The following OSBPL8 variants were observed in gnomAD, a reference collection of about 807,000 sequenced individuals.
OSBPL8 encodes oxysterol binding protein like 8.
In OSBPL8, 59 loss-of-function variants were observed where a neutral mutation model predicts 125.5. The observed-to-expected ratio is 0.47, with a 90% CI of 0.38 to 0.58. The LOEUF (loss-of-function observed/expected upper bound fraction) is 0.58, where lower values mean the gene tolerates loss of function less well. Among genes scored for constraint, OSBPL8 ranks in the 20% least tolerant of loss-of-function variants. The probability of loss-of-function intolerance (pLI) is 0.00; values close to 1 mark genes in which losing one functional copy is unlikely to be tolerated. For synonymous variants in OSBPL8, 330 were observed against 338.9 expected, an observed-to-expected ratio of 0.97 and a Z score of 0.29; for missense variants, 758 against 1,047.8, an observed-to-expected ratio of 0.72 and a Z score of 3.82.
chr12:76,511,799 C>G (rs548239287), intron 1 of OSBPL8, among the ~76,000 whole-genome samples: 1 of 152,230 alleles, frequency 6.6e-6, no homozygotes, highest in East Asian at 1.9e-4. Flanking sequence ...AATCTTTGCC[C>G]GTTCCTATGT....
intron 21 of OSBPL8, among the ~76,000 whole-genome samples, chr12:76,365,866 C>T (rs998803277): frequency 1.3e-5 from 2 of 152,048 alleles, no homozygotes; most frequent in Non-Finnish European, 2.9e-5. Flanking sequence ...ATGTGATTTT[C>T]CCCCCTCTTA....
intron 22 of OSBPL8, among the ~76,000 whole-genome samples, chr12:76,357,855 GTTT>G (rs888289631): frequency 1.4e-5 from 2 of 142,706 alleles, no homozygotes; most frequent in East Asian, 4.0e-4. Flanking sequence ...ATGGCTTAAA[GTTT>G]TTTTTTTTTT....
chr12:76,375,372 TA>T lies in OSBPL8; in HGVS notation c.1730-3del. On this transcript the variant is annotated splice_polypyrimidine_tract_variant and splice_region_variant and intron_variant, in intron 16 of 23. Transcript: ENST00000261183. ...GTGTCATTGTACCATAAAGAATTCC[TA>T]AAGGAAAAAGATTTGACAAAAAATT... The T allele has an allele frequency of 6.2e-7, 1 of 1,606,498 alleles. No homozygotes were observed.
At chr12:76,375,117 C>T (rs1952761526) in intron 17 of OSBPL8, among the ~76,000 whole-genome samples, 156 bp downstream of exon 17, 1 of 152,310 alleles carries the variant, frequency 6.6e-6, no homozygotes, top group Non-Finnish European at 1.5e-5. Flanking sequence ...ACTCACCCAG[C>T]CTTGCCCTTA....
At chr12:76,525,802 G>T (rs915793022) in intron 1 of OSBPL8, among the ~76,000 whole-genome samples, 7 of 152,030 alleles carry the variant, frequency 4.6e-5, no homozygotes, top group Middle Eastern at 3.4e-3. Context: ...AAAAACAAAG[G>T]GAAAACTACA....
chr12:76,551,980 T>G (rs1045680053), intron 1 of OSBPL8, among the ~76,000 whole-genome samples: 1 of 152,174 alleles, frequency 6.6e-6, no homozygotes, highest in Non-Finnish European at 1.5e-5. Context: ...CTGTAGAACA[T>G]TCCAATCTTA....
intron 4 of OSBPL8, among the ~76,000 whole-genome samples, chr12:76,418,908 A>G (rs965392806): frequency 6.6e-6 from 1 of 152,068 alleles, no homozygotes; most frequent in Admixed American, 6.5e-5. Flanking sequence ...CCTTTCAATC[A>G]ATTAAGAAAT....
intron 9 of OSBPL8, among the ~76,000 whole-genome samples, chr12:76,393,775 G>A (rs1953671121): frequency 6.9e-6 from 1 of 144,828 alleles, no homozygotes. Context: ...TGTAACCCCA[G>A]CACTTTGGGA....
chr12:76,470,756 T>G (rs1876041290), intron 2 of OSBPL8, among the ~76,000 whole-genome samples: 1 of 152,182 alleles, frequency 6.6e-6, no homozygotes, highest in Admixed American at 6.5e-5. Flanking sequence ...TCAACCCCCA[T>G]GACTCATCAA....
intron 1 of OSBPL8, among the ~76,000 whole-genome samples, chr12:76,538,316 CACTA>C: frequency 6.6e-6 from 1 of 152,120 alleles, no homozygotes; most frequent in South Asian, 2.1e-4. Context: ...CTTTTTAAAC[CACTA>C]ACTATATATT....
intron 12 of OSBPL8, among the ~76,000 whole-genome samples, chr12:76,388,533 A>G (rs1190369646): frequency 6.6e-6 from 1 of 152,228 alleles, no homozygotes; most frequent in African/African-American, 2.4e-5. Flanking sequence ...TAGACCGACA[A>G]AAGTGCAGAA....
chr12:76,554,051 T>C (rs1475468801), intron 1 of OSBPL8, among the ~76,000 whole-genome samples: 2 of 152,004 alleles, frequency 1.3e-5, no homozygotes, highest in Non-Finnish European at 2.9e-5. Flanking sequence ...TTAAAACTAT[T>C]TTTTAATTAT....
At chr12:76,407,333 G>T (rs1954306381) in intron 5 of OSBPL8, among the ~76,000 whole-genome samples, 1 of 152,182 alleles carries the variant, frequency 6.6e-6, no homozygotes, top group South Asian at 2.1e-4. Flanking sequence ...CTCACTTTCA[G>T]CGTCAACCTC....
At chr12:76,387,006 T>TG (rs1234007207) in intron 12 of OSBPL8, among the ~76,000 whole-genome samples, 3 of 152,132 alleles carry the variant, frequency 2.0e-5, no homozygotes, top group Non-Finnish European at 4.4e-5. Context: ...AAAATAAACA[T>TG]GGATTTTGGA....
At chr12:76,436,113 T>C (rs1489852715) in intron 4 of OSBPL8, among the ~76,000 whole-genome samples, 1 of 152,188 alleles carries the variant, frequency 6.6e-6, no homozygotes, top group Non-Finnish European at 1.5e-5. Flanking sequence ...ACGGCAAGCC[T>C]GAATACTGGT....
chr12:76,513,295 T>C (rs1196944997), intron 1 of OSBPL8, among the ~76,000 whole-genome samples: 2 of 152,230 alleles, frequency 1.3e-5, no homozygotes, highest in East Asian at 3.8e-4. Flanking sequence ...AAGAGCGTGT[T>C]TGGTATGATT....
intron 4 of OSBPL8, among the ~76,000 whole-genome samples, chr12:76,450,075 C>T (rs1873200745): frequency 6.6e-6 from 1 of 152,134 alleles, no homozygotes; most frequent in Non-Finnish European, 1.5e-5. Flanking sequence ...GTCTTTTAAG[C>T]TAGACATTAA....
intron 2 of OSBPL8, among the ~76,000 whole-genome samples, chr12:76,466,674 C>T (rs1875475381): frequency 6.6e-6 from 1 of 152,044 alleles, no homozygotes; most frequent in Non-Finnish European, 1.5e-5. Context: ...AAATCTTTTT[C>T]CAGGCTGGGC....
chr12:76,492,461 G>A (rs754878586), intron 1 of OSBPL8, among the ~76,000 whole-genome samples: 7 of 152,158 alleles, frequency 4.6e-5, no homozygotes, highest in South Asian at 2.1e-4. Flanking sequence ...AGACTGATAC[G>A]GGTCTGTGGC....
Sources: gnomAD v4.1 joint callset for allele counts (sites outside exome capture counted in the v4.1 genomes callset) on GRCh38, gnomAD v4.1.1 for gene constraint, MANE v1.5 for transcripts, NCBI Gene and HGNC (gene_info 2026-07-23, HGNC 2026-07-21) for gene names.